Variants in SLC35F1 observed in about 807,000 individuals in gnomAD.
The protein encoded by SLC35F1 is chromosome 6 open reading frame 169.
In SLC35F1, 14 loss-of-function variants were observed where a neutral mutation model predicts 48.7. That is an observed-to-expected ratio of 0.29 (90% CI 0.19 to 0.45). The LOEUF (loss-of-function observed/expected upper bound fraction) is 0.45, where lower values mean the gene tolerates loss of function less well. Ranked by LOEUF, SLC35F1 falls within the 20% of genes least tolerant of loss-of-function variation. SLC35F1 has a pLI of 1.00. For synonymous variants in SLC35F1, 190 were observed against 202.2 expected (o/e 0.94, Z 0.51); for missense variants, 404 against 500.0 (o/e 0.81, Z 1.83).
chr6:117,999,259 A>G, intron 1 of SLC35F1: 1 of 1,596,080 alleles, frequency 6.3e-7, no homozygotes, highest in Admixed American at 1.7e-5. Flanking sequence ...AGCTCGATCG[A>G]CATGCCTACG....
intron 1 of SLC35F1, among the ~76,000 whole-genome samples, chr6:118,031,703 G>A (rs1772052236): frequency 6.6e-6 from 1 of 152,218 alleles, no homozygotes; most frequent in Non-Finnish European, 1.5e-5. Context: ...CCCATAGGGA[G>A]TGTGCTGCGA....
At chr6:118,148,209 G>A (rs768928248) in intron 1 of SLC35F1, among the ~76,000 whole-genome samples, 26 of 152,074 alleles carry the variant, frequency 1.7e-4, no homozygotes, top group Admixed American at 2.6e-4. Context: ...TGAAGATGTC[G>A]CCACAGAAAA....
rs1554218253 is a variant in SLC35F1, at chr6:117,944,618, C to CAA, written c.173+36720_173+36721insAA. On this transcript the variant is annotated intron_variant, in intron 1 of 7. Transcript: ENST00000360388. ...ACACACACACACACACACACACACA[C>CAA]ACACAGAATATATTCTAAATGCAAA... Among the ~76,000 whole-genome samples the CAA allele has an allele frequency of 8.6e-5, 13 of 151,898 alleles. 1 individual carries two copies. The South Asian group carries it at 2.1e-3, about 24-fold the overall frequency.
intron 1 of SLC35F1, among the ~76,000 whole-genome samples, chr6:118,149,484 T>G (rs988976235): frequency 6.6e-6 from 1 of 152,132 alleles, no homozygotes; most frequent in African/African-American, 2.4e-5. Context: ...GTGTCAACAT[T>G]TAGGCATTTA....
intron 2 of SLC35F1, among the ~76,000 whole-genome samples, chr6:118,227,388 G>C (rs1223902572): frequency 1.3e-5 from 2 of 152,176 alleles, no homozygotes; most frequent in African/African-American, 4.8e-5. Context: ...TATGTACTTA[G>C]TTTAAATGGA....
chr6:118,093,778 TAA>T lies in SLC35F1; in HGVS notation c.174-60666_174-60665del, dbSNP rs1230019226. ...TAAGAGAAGTCAAAGGACCAAATCC[TAA>T]GACTCCTCCATTTTCAGAGAGTGCA... On this transcript the variant is annotated intron_variant, in intron 1 of 7. Transcript: ENST00000360388. Among the ~76,000 whole-genome samples the T allele has an allele frequency of 3.3e-5, 5 of 152,308 alleles. No homozygotes were observed. In the East Asian group the frequency reaches 9.6e-4, roughly 29 times the overall value.
chr6:118,024,452 A>C (rs1206436202), intron 1 of SLC35F1, among the ~76,000 whole-genome samples: 1 of 152,190 alleles, frequency 6.6e-6, no homozygotes, highest in Non-Finnish European at 1.5e-5. Context: ...TTTTGGAAGG[A>C]TGGTTGTGAA....
At chr6:118,070,351 A>T (rs527535566) in intron 1 of SLC35F1, among the ~76,000 whole-genome samples, 2 of 152,140 alleles carry the variant, frequency 1.3e-5, no homozygotes, top group Non-Finnish European at 2.9e-5. Flanking sequence ...AGTGGCAGTT[A>T]TGTTTCCTCT....
At chr6:118,105,388 A>G (rs1773313872) in intron 1 of SLC35F1, among the ~76,000 whole-genome samples, 1 of 152,158 alleles carries the variant, frequency 6.6e-6, no homozygotes. Flanking sequence ...TATATTCCAT[A>G]CCAGAGACCT....
chr6:118,284,293 T>G (rs1209126581), intron 6 of SLC35F1, among the ~76,000 whole-genome samples: 1 of 152,204 alleles, frequency 6.6e-6, no homozygotes, highest in African/African-American at 2.4e-5. Flanking sequence ...AGACACTGAA[T>G]TTTAGCACTT....
chr6:118,083,558 A>C (rs1772942684), intron 1 of SLC35F1, among the ~76,000 whole-genome samples: 1 of 152,240 alleles, frequency 6.6e-6, no homozygotes. Context: ...TATTAAAAGC[A>C]AATAATTAAA....
chr6:118,109,214 A>G lies in SLC35F1; in HGVS notation c.174-45231A>G, dbSNP rs548369252. Among the ~76,000 whole-genome samples the G allele has an allele frequency of 4.6e-5, 7 of 152,306 alleles. No individual in the cohort carries two copies. The East Asian group carries it at 1.4e-3, about 29-fold the overall frequency. ...GGCTTTAAGAGGTTCACCTACTCAG[A>G]GAGGAAATGGGTGATGTAAACAGAT... On this transcript the variant is annotated intron_variant, in intron 1 of 7. Coordinates refer to ENST00000360388, the MANE Select transcript of SLC35F1 (RefSeq NM_001029858.4).
At position 118,163,424 on chromosome 6, in the gene SLC35F1, TCACACA is replaced by T. The variant is rs67416879; in HGVS notation, c.349+8826_349+8831del. Among the ~76,000 whole-genome samples, 198 of 150,006 alleles carry T rather than the reference TCACACA, an allele frequency of 1.3e-3. 1 individual carries two copies. The highest frequency in any genetic ancestry group is 0.011 in the East Asian group (57 of 5,096). On this transcript the variant is annotated intron_variant, in intron 2 of 7. Transcript: ENST00000360388. ...AACTTATACACAAACACACTCACAC[TCACACA>T]CACACACACACACACACACACTCTA...
At chr6:117,982,388 C>G (rs1776791659) in intron 1 of SLC35F1, among the ~76,000 whole-genome samples, 1 of 152,160 alleles carries the variant, frequency 6.6e-6, no homozygotes, top group Non-Finnish European at 1.5e-5. Flanking sequence ...GCATTGAAGC[C>G]TTTATTTCAA....
chr6:118,104,306 G>GGGC (rs1456562065), intron 1 of SLC35F1, among the ~76,000 whole-genome samples: 2 of 152,150 alleles, frequency 1.3e-5, no homozygotes, highest in Non-Finnish European at 2.9e-5. Context: ...AGTCTGAACA[G>GGGC]GGCCAAATCT....
At chr6:118,151,789 T>C (rs1774061867) in intron 1 of SLC35F1, among the ~76,000 whole-genome samples, 1 of 152,178 alleles carries the variant, frequency 6.6e-6, no homozygotes, top group Non-Finnish European at 1.5e-5. Context: ...AGTGTTGGGA[T>C]TACAGGTGTG....
At chr6:118,106,787 C>T (rs1773332878) in intron 1 of SLC35F1, among the ~76,000 whole-genome samples, 1 of 152,184 alleles carries the variant, frequency 6.6e-6, no homozygotes, top group Non-Finnish European at 1.5e-5. Context: ...TCTCCCACTT[C>T]CTCTGGCTTT....
At chr6:118,109,318 A>C (rs1011579403) in intron 1 of SLC35F1, among the ~76,000 whole-genome samples, 1 of 152,194 alleles carries the variant, frequency 6.6e-6, no homozygotes, top group Non-Finnish European at 1.5e-5. Context: ...GGTGGCCAAG[A>C]ATGGGAGTGA....
intron 1 of SLC35F1, among the ~76,000 whole-genome samples, chr6:118,090,568 G>T (rs184605380): frequency 2.6e-5 from 4 of 152,220 alleles, no homozygotes; most frequent in Non-Finnish European, 4.4e-5. Context: ...CTATGTAAAG[G>T]CTCTGAGGGG....
Sources: allele counts gnomAD v4.1 joint callset (sites outside exome capture counted in the v4.1 genomes callset), GRCh38; gene constraint gnomAD v4.1.1; transcripts MANE v1.5; gene names NCBI Gene and HGNC (gene_info 2026-07-23, HGNC 2026-07-21).